The following EYA1 variants were observed in gnomAD, a reference collection of about 807,000 sequenced individuals.
The protein encoded by EYA1 is protein phosphatase EYA1.
EYA1 carries 16 observed loss-of-function variants against 82.0 expected under a neutral mutation model. The observed-to-expected ratio is 0.20, with a 90% CI of 0.13 to 0.30. The LOEUF (loss-of-function observed/expected upper bound fraction) is 0.30. Ranked by LOEUF, EYA1 falls within the 10% of genes least tolerant of loss-of-function variation. The pLI, the probability that EYA1 is intolerant of heterozygous loss-of-function variation, is 1.00. For missense variants in EYA1, 633 were observed against 730.7 expected, an observed-to-expected ratio of 0.87 and a Z score of 1.54; for synonymous variants, 261 against 264.4, an observed-to-expected ratio of 0.99 and a Z score of 0.12.
In EYA1 at chr8:71,305,136, GAATT is replaced by G. The variant is rs1291281140; in HGVS notation, c.557-5420_557-5417del. 2.1e-5 allele frequency among the ~76,000 whole-genome samples: 3 copies of G among 142,906 alleles called. 1 individual carries two copies. Among genetic ancestry groups the G allele is most frequent in the Non-Finnish European group, 3.2e-5 (2 of 62,868 alleles). The allele number at this position is 142,906 out of a possible 152,430, so 93.8% of individuals were successfully genotyped here. A position where few individuals can be genotyped will look rare whatever the true frequency, so the allele number is the denominator to read the frequency against. On this transcript the variant is annotated intron_variant, in intron 7 of 17. Transcript: ENST00000340726. ...TCTTCACTTACAACTTTTGGTCACA[GAATT>G]ATTTGTAATGTTTGGAATTCTTTAA... is the stretch of plus-strand genomic sequence containing the variant.
At chr8:71,284,711 A>G (rs551396612) in intron 9 of EYA1, among the ~76,000 whole-genome samples, 1 of 152,356 alleles carries the variant, frequency 6.6e-6, no homozygotes, top group South Asian at 2.1e-4. Flanking sequence ...TAAAAAATTT[A>G]AATATAACTT....
intron 2 of EYA1, among the ~76,000 whole-genome samples, chr8:71,390,333 C>CAATCAGAGCTCACTG: frequency 6.6e-6 from 1 of 150,972 alleles, no homozygotes; most frequent in East Asian, 1.9e-4. Flanking sequence ...TGCAGTGGCA[C>CAATCAGAGCTCACTG]AATCAGAGCT....
At chr8:71,359,566 A>C (rs1827190879) in intron 1 of EYA1, among the ~76,000 whole-genome samples, 1 of 152,184 alleles carries the variant, frequency 6.6e-6, no homozygotes, top group Non-Finnish European at 1.5e-5. Context: ...TCATGCATGA[A>C]GCCAAAAAGT....
intron 11 of EYA1, among the ~76,000 whole-genome samples, chr8:71,260,243 A>C (rs1410297320): frequency 6.6e-6 from 1 of 152,218 alleles, no homozygotes; most frequent in African/African-American, 2.4e-5. Flanking sequence ...TAAATGCTTT[A>C]AGTCAACATT....
chr8:71,480,318 T>G (rs1804242720), intron 2 of EYA1, among the ~76,000 whole-genome samples: 1 of 152,188 alleles, frequency 6.6e-6, no homozygotes, highest in African/African-American at 2.4e-5. Flanking sequence ...GATGATGTGA[T>G]GTGTATATGA....
At chr8:71,396,089 A>G (rs1230946565) in intron 2 of EYA1, among the ~76,000 whole-genome samples, 1 of 152,130 alleles carries the variant, frequency 6.6e-6, no homozygotes, top group Admixed American at 6.6e-5. Flanking sequence ...AGAGGTGCTT[A>G]TAGTATTCTC....
At chr8:71,380,249 C>G (rs1053504210) in intron 2 of EYA1, among the ~76,000 whole-genome samples, 1 of 152,172 alleles carries the variant, frequency 6.6e-6, no homozygotes, top group East Asian at 1.9e-4. Context: ...GCATGGTTTG[C>G]AATATTGACT....
chr8:71,247,304 A>G (rs1809291331), intron 11 of EYA1, among the ~76,000 whole-genome samples: 1 of 152,126 alleles, frequency 6.6e-6, no homozygotes, highest in Non-Finnish European at 1.5e-5. Context: ...GGATGGTGCA[A>G]TTCACTCACC....
At chr8:71,294,513 A>AAG (rs1446832912) in intron 9 of EYA1, among the ~76,000 whole-genome samples, 1 of 151,992 alleles carries the variant, frequency 6.6e-6, no homozygotes, top group African/African-American at 2.4e-5. Context: ...TAGAGAGGGA[A>AAG]AGAGAGAGAG....
intron 2 of EYA1, among the ~76,000 whole-genome samples, chr8:71,513,648 G>T: frequency 6.6e-6 from 1 of 151,986 alleles, no homozygotes; most frequent in Non-Finnish European, 1.5e-5. Flanking sequence ...ATACAATTAA[G>T]TTATCATTGA....
At chr8:71,481,868 G>A (rs2129212756) in intron 2 of EYA1, among the ~76,000 whole-genome samples, 1 of 152,240 alleles carries the variant, frequency 6.6e-6, no homozygotes, top group African/African-American at 2.4e-5. Context: ...GGAGGGGCAA[G>A]AGGAGAAACA....
At chr8:71,309,017 G>A (rs1411867809) in intron 7 of EYA1, among the ~76,000 whole-genome samples, 4 of 152,212 alleles carry the variant, frequency 2.6e-5, no homozygotes, top group Admixed American at 6.5e-5. Context: ...CTGGGGAAAA[G>A]CTTTCGAAGG....
chr8:71,472,593 C>T (rs949658668), intron 2 of EYA1, among the ~76,000 whole-genome samples: 4 of 151,696 alleles, frequency 2.6e-5, no homozygotes, highest in Admixed American at 6.6e-5. Context: ...ATCTATTCTT[C>T]GTAATATTAT....
chr8:71,423,853 T>C (rs546322629), intron 2 of EYA1, among the ~76,000 whole-genome samples: 87 of 152,288 alleles, frequency 5.7e-4, no homozygotes, highest in Non-Finnish European at 1.1e-3. Context: ...AGAAAATGTA[T>C]AGGCAAGACC....
chr8:71,524,448 T>C (rs916432085), intron 2 of EYA1, among the ~76,000 whole-genome samples: 2 of 152,230 alleles, frequency 1.3e-5, no homozygotes, highest in Non-Finnish European at 2.9e-5. Context: ...TATTCATTTT[T>C]AGGCTTGTAA....
intron 2 of EYA1, among the ~76,000 whole-genome samples, chr8:71,372,625 G>T (rs572532993): frequency 1.3e-5 from 2 of 152,218 alleles, no homozygotes; most frequent in African/African-American, 2.4e-5. Flanking sequence ...AGGTCAGAAG[G>T]CTCCAGGAAC....
intron 2 of EYA1, among the ~76,000 whole-genome samples, chr8:71,406,075 T>A (rs1250837038): frequency 6.6e-6 from 1 of 152,208 alleles, no homozygotes; most frequent in Non-Finnish European, 1.5e-5. Flanking sequence ...ATGTCCAAAC[T>A]CAGCAAATTG....
chr8:71,430,194 A>G (rs1354677802), intron 2 of EYA1, among the ~76,000 whole-genome samples: 1 of 152,236 alleles, frequency 6.6e-6, no homozygotes, highest in Non-Finnish European at 1.5e-5. Context: ...TTAAAGACTT[A>G]TGTGCCAACC....
In EYA1 at chr8:71,492,365, A is replaced by C. The variant is rs577231042; in HGVS notation, c.33+43379T>G. ...TTTTAATGGACTAAGAATAGGGAGA[A>C]GAGATGGGAAGAGATGGTAGCAGGA... On this transcript the variant is annotated intron_variant, in intron 2 of 18. Transcript: ENST00000643681. 5.3e-5 allele frequency among the ~76,000 whole-genome samples: 8 copies of C among 152,350 alleles called. No homozygotes were observed. The South Asian group carries it at 1.7e-3, about 32-fold the overall frequency.
Sources: gnomAD v4.1 joint callset for allele counts (sites outside exome capture counted in the v4.1 genomes callset) on GRCh38, gnomAD v4.1.1 for gene constraint, MANE v1.5 for transcripts, NCBI Gene and HGNC (gene_info 2026-07-23, HGNC 2026-07-21) for gene names.